The following SLC36A2 variants were observed in gnomAD, a reference collection of about 807,000 sequenced individuals.
SLC36A2 encodes the protein solute carrier family 36 member 2.
SLC36A2 carries 39 observed loss-of-function variants against 42.7 expected under a neutral mutation model. That is an observed-to-expected ratio of 0.91 (90% CI 0.71 to 1.19). The LOEUF is 1.19. Ranked by LOEUF, SLC36A2 falls within the 50% of genes most tolerant of loss-of-function variation. SLC36A2 has a pLI of 0.00. For synonymous variants in SLC36A2, 237 were observed against 240.8 expected, an observed-to-expected ratio of 0.98 and a Z score of 0.15; for missense variants, 590 against 613.7, an observed-to-expected ratio of 0.96 and a Z score of 0.41.
intron 7 of SLC36A2, among the ~76,000 whole-genome samples, chr5:151,326,925 A>G (rs1279155204): frequency 1.3e-5 from 2 of 150,580 alleles, no homozygotes; most frequent in East Asian, 2.0e-4. Context: ...GATCCCTCCC[A>G]TCTCAGCCTC....
chr5:151,342,890 TC>T lies in SLC36A2; in HGVS notation c.437del (p.Gly146GlufsTer5), dbSNP rs746439731. On this transcript the variant is annotated frameshift_variant, in exon 4 of 10. Transcript: ENST00000335244. LOFTEE classifies it high-confidence loss of function. ...NAWLQNHAHW[G>X]RHIVSFFLII... is the part of the protein sequence containing the mutation. Reference sequence around the variant, plus strand: ...CAGGCAAAGCAAGAACAGGTTACCTTCCCCAGTGAGCGTGATTCTGGAGCCA... The same window carrying T: ...CAGGCAAAGCAAGAACAGGTTACCTTCCCAGTGAGCGTGATTCTGGAGCCA... The T allele has an allele frequency of 1.6e-5, 26 of 1,613,778 alleles. No individual in the cohort carries two copies. The highest frequency in any genetic ancestry group is 2.1e-5 in the Non-Finnish European group (25 of 1,179,822).
chr5:151,336,361 G>A (rs889132220), intron 5 of SLC36A2, among the ~76,000 whole-genome samples: 17 of 151,670 alleles, frequency 1.1e-4, no homozygotes, highest in East Asian at 5.8e-4. Context: ...TATCCTCCTC[G>A]CTACCCTGGC....
chr5:151,340,230 AGGGGAGGAGGAGGAG>A (rs1756298808), intron 4 of SLC36A2, among the ~76,000 whole-genome samples: 1 of 135,480 alleles, frequency 7.4e-6, no homozygotes, highest in African/African-American at 2.8e-5. Flanking sequence ...AGGAGGAGGA[AGGGGAGGAGGAGGAG>A]GGGGAAGAAG....
intron 6 of SLC36A2, among the ~76,000 whole-genome samples, chr5:151,334,869 G>A (rs1756102390): frequency 6.6e-6 from 1 of 151,696 alleles, no homozygotes; most frequent in Non-Finnish European, 1.5e-5. Context: ...GAAAGCTTAT[G>A]GTTTTTGAGA....
At chr5:151,320,889 T>C (rs1048602499) in intron 9 of SLC36A2, among the ~76,000 whole-genome samples, 1 of 152,228 alleles carries the variant, frequency 6.6e-6, no homozygotes, top group African/African-American at 2.4e-5. Context: ...CCATTTTCAA[T>C]GTCTGCCCTG....
At chr5:151,342,243 C>A (rs761881202) in intron 4 of SLC36A2, among the ~76,000 whole-genome samples, 47 of 152,296 alleles carry the variant, frequency 3.1e-4, no homozygotes, top group South Asian at 4.1e-4. Flanking sequence ...TGACTCTCTG[C>A]CCTCAAGCTA....
chr5:151,333,159 A>T, intron 7 of SLC36A2, 65 bp downstream of exon 7: 1 of 1,412,200 alleles, frequency 7.1e-7, no homozygotes, highest in Non-Finnish European at 1.0e-6. Context: ...CCCAGAGCTC[A>T]CAGTTCCTTT....
chr5:151,343,005 C>T (rs754164408), intron 3 of SLC36A2, 22 bp from the exon 4 acceptor site: 48 of 1,595,308 alleles, frequency 3.0e-5, no homozygotes, highest in African/African-American at 1.7e-4. Flanking sequence ...AGTGCATAAA[C>T]GGTTTCCAAG....
intron 7 of SLC36A2, among the ~76,000 whole-genome samples, chr5:151,332,037 T>C (rs541561392): frequency 6.6e-6 from 1 of 152,190 alleles, no homozygotes; most frequent in East Asian, 1.9e-4. Flanking sequence ...CAGTTAATTT[T>C]TGCATTTTTA....
chr5:151,320,290 C>T (rs1310007858), intron 9 of SLC36A2, among the ~76,000 whole-genome samples: 2 of 151,708 alleles, frequency 1.3e-5, no homozygotes, highest in Non-Finnish European at 2.9e-5. Flanking sequence ...GTTTGGGCTG[C>T]TTTTAGTTTC....
intron 7 of SLC36A2, among the ~76,000 whole-genome samples, chr5:151,332,995 G>T (rs1051570600): frequency 6.6e-6 from 1 of 152,186 alleles, no homozygotes; most frequent in Non-Finnish European, 1.5e-5. Context: ...TAATAGGCAT[G>T]TGGGGACAAA....
chr5:151,336,553 C>A (rs1248364004), intron 5 of SLC36A2, among the ~76,000 whole-genome samples: 2 of 148,402 alleles, frequency 1.3e-5, no homozygotes, highest in African/African-American at 5.0e-5. Flanking sequence ...CTAATTGACA[C>A]AATACTGGCA....
Position 151,322,196 on chromosome 5 carries a change from G to A in SLC36A2, c.1030C>T (p.Leu344Phe), listed in dbSNP as rs765560858. 1 of 1,614,162 alleles carries A rather than the reference G, an allele frequency of 6.2e-7. No individual in the cohort carries two copies. Among genetic ancestry groups the A allele is most frequent in the Non-Finnish European group, 8.5e-7 (1 of 1,180,014 alleles). Residue 344 changes from leucine to phenylalanine, a missense_variant, in exon 9 of 10, where the codon CTT (leucine) becomes TTT (phenylalanine). Leu to Phe is a conservative substitution (Grantham distance 22). Transcript: ENST00000335244. ...PNCWLYQSVK[L>F]LYIAGILCTY... The stretch of plus-strand genomic sequence containing the variant: ...CACAGGATGCCGGCAATGTAGAGAA[G>A]CTTGACAGACTGGTACAGCCTGCAA...
intron 7 of SLC36A2, among the ~76,000 whole-genome samples, chr5:151,331,654 G>C (rs529448434): frequency 6.6e-6 from 1 of 151,956 alleles, no homozygotes; most frequent in African/African-American, 2.4e-5. Context: ...TTAGACATAA[G>C]ACAAAAAGCA....
chr5:151,331,811 G>A lies in SLC36A2; in HGVS notation c.843+1413C>T, dbSNP rs558841155. On this transcript the variant is annotated intron_variant, in intron 7 of 9. Coordinates refer to ENST00000335244, the MANE Select transcript of SLC36A2 (RefSeq NM_181776.3). ...CCCACTACCTGGGAGGCTGAGGCAG[G>A]TGGATCACTTGAGCCCAGAGATTAA... 8.5e-5 allele frequency among the ~76,000 whole-genome samples: 13 copies of A among 152,180 alleles called. No individual in the cohort carries two copies. In the South Asian group the frequency reaches 2.7e-3, roughly 32 times the overall value.
At chr5:151,336,566 TTAAG>T (rs1756162645) in intron 5 of SLC36A2, among the ~76,000 whole-genome samples, 1 of 151,858 alleles carries the variant, frequency 6.6e-6, no homozygotes, top group Non-Finnish European at 1.5e-5. Context: ...TACTGGCATT[TTAAG>T]TAAGAAAACT....
intron 8 of SLC36A2, 111 bp downstream of exon 8, chr5:151,325,175 T>G (rs1434039254): frequency 1.1e-5 from 14 of 1,277,720 alleles, no homozygotes; most frequent in African/African-American, 2.9e-5. Flanking sequence ...CTGCTTCTTC[T>G]GTGGGAGGCT....
chr5:151,321,704 A>G (rs934145049), intron 9 of SLC36A2, among the ~76,000 whole-genome samples: 11 of 142,980 alleles, frequency 7.7e-5, no homozygotes, highest in Admixed American at 2.7e-4. Flanking sequence ...TTTTGAGATG[A>G]ATCTTGCTCT....
intron 9 of SLC36A2, among the ~76,000 whole-genome samples, chr5:151,320,946 C>T (rs1411043151): frequency 6.6e-6 from 1 of 152,132 alleles, no homozygotes; most frequent in Non-Finnish European, 1.5e-5. Context: ...GAATTCAAAT[C>T]CTACCTCTGA....
Sources: gnomAD v4.1 joint callset for allele counts (sites outside exome capture counted in the v4.1 genomes callset) on GRCh38, gnomAD v4.1.1 for gene constraint, MANE v1.5 for transcripts, NCBI Gene and HGNC (gene_info 2026-07-23, HGNC 2026-07-21) for gene names.